SLC2A13: variants seen among roughly 807,000 people sequenced by gnomAD.
SLC2A13 encodes the protein solute carrier family 2 member 13.
A neutral mutation model predicts 64.4 loss-of-function variants in SLC2A13; 32 were observed. That is an observed-to-expected ratio of 0.50 (90% CI 0.37 to 0.67). The LOEUF (loss-of-function observed/expected upper bound fraction) is 0.67. Ranked by LOEUF, SLC2A13 falls within the 30% of genes least tolerant of loss-of-function variation. SLC2A13 has a pLI of 0.00. For synonymous variants in SLC2A13, 338 were observed against 327.1 expected (o/e 1.03, Z -0.36); for missense variants, 743 against 829.2 (o/e 0.90, Z 1.28).
At chr12:39,776,506 G>A (rs2135734077) in intron 7 of SLC2A13, among the ~76,000 whole-genome samples, 1 of 152,324 alleles carries the variant, frequency 6.6e-6, no homozygotes, top group Non-Finnish European at 1.5e-5. Context: ...TCTCTGAGAA[G>A]TCAGAATATG....
intron 4 of SLC2A13, among the ~76,000 whole-genome samples, chr12:39,921,330 T>C (rs906524957): frequency 3.9e-5 from 6 of 152,044 alleles, no homozygotes; most frequent in Admixed American, 1.3e-4. Context: ...AAGCAGTCAG[T>C]TCCCCTTAAT....
intron 4 of SLC2A13, among the ~76,000 whole-genome samples, chr12:39,893,262 A>G (rs987339657): frequency 6.6e-6 from 1 of 152,160 alleles, no homozygotes; most frequent in East Asian, 1.9e-4. Context: ...ATCTATGTCT[A>G]TTTTATAGAA....
chr12:39,803,422 T>G (rs11173650), intron 7 of SLC2A13, among the ~76,000 whole-genome samples: 1 of 152,048 alleles, frequency 6.6e-6, no homozygotes, highest in Non-Finnish European at 1.5e-5. Context: ...ACCATAAAAC[T>G]ATCACTTAGG....
At chr12:40,013,784 T>G (rs1947572855) in intron 3 of SLC2A13, among the ~76,000 whole-genome samples, 3 of 152,350 alleles carry the variant, frequency 2.0e-5, no homozygotes, top group Non-Finnish European at 4.4e-5. Flanking sequence ...GCACTGTATT[T>G]CCCTCATCCC....
intron 4 of SLC2A13, among the ~76,000 whole-genome samples, chr12:39,892,784 A>T (rs1353066657): frequency 1.3e-5 from 2 of 152,158 alleles, no homozygotes; most frequent in African/African-American, 4.8e-5. Context: ...GGTAAAAAAA[A>T]TTTCTCCTAG....
intron 3 of SLC2A13, among the ~76,000 whole-genome samples, chr12:40,023,068 G>T (rs891024785): frequency 2.0e-5 from 3 of 152,160 alleles, no homozygotes; most frequent in African/African-American, 7.2e-5. Flanking sequence ...TTGCACTGAT[G>T]CTGTCCTAAT....
At chr12:39,967,895 T>C (rs1591959715) in intron 3 of SLC2A13, among the ~76,000 whole-genome samples, 1 of 152,156 alleles carries the variant, frequency 6.6e-6, no homozygotes, top group Non-Finnish European at 1.5e-5. Context: ...GGTATCTACA[T>C]AACCTCAAAA....
At chr12:39,779,532 T>C (rs183283373) in intron 7 of SLC2A13, among the ~76,000 whole-genome samples, 41 of 152,324 alleles carry the variant, frequency 2.7e-4, no homozygotes, top group Admixed American at 1.2e-3. Context: ...ATTTTACACA[T>C]AGTCAATAGC....
chr12:39,878,131 G>A (rs1254338288), intron 4 of SLC2A13, among the ~76,000 whole-genome samples: 2 of 152,162 alleles, frequency 1.3e-5, no homozygotes, highest in Non-Finnish European at 2.9e-5. Flanking sequence ...GCCTACATAG[G>A]AGTAAACCAA....
chr12:39,859,295 G>A (rs368999444), intron 6 of SLC2A13, among the ~76,000 whole-genome samples: 13 of 25,390 alleles, frequency 5.1e-4, no homozygotes, highest in Middle Eastern at 0.028. Context: ...CAAAAAAAAA[G>A]AAAAAGAAAG....
At chr12:39,823,737 C>T (rs886335094) in intron 7 of SLC2A13, among the ~76,000 whole-genome samples, 2 of 152,162 alleles carry the variant, frequency 1.3e-5, no homozygotes, top group East Asian at 3.8e-4. Context: ...GAATGTGCCA[C>T]CTCACCTGGC....
At chr12:39,859,333 G>A (rs1024837030) in intron 6 of SLC2A13, among the ~76,000 whole-genome samples, 103 of 61,938 alleles carry the variant, frequency 1.7e-3, no homozygotes, top group Non-Finnish European at 1.8e-3. Context: ...TTTTTTTTCT[G>A]AAAAAAAAAA....
At chr12:39,978,278 TAG>T (rs1315622586) in intron 3 of SLC2A13, among the ~76,000 whole-genome samples, 3 of 152,322 alleles carry the variant, frequency 2.0e-5, no homozygotes, top group East Asian at 1.9e-4. Context: ...ACTTGTACTT[TAG>T]AGTCACACTA....
chr12:39,830,015 G>A (rs780685293), intron 7 of SLC2A13, 88 bp downstream of exon 7: 30 of 1,527,718 alleles, frequency 2.0e-5, no homozygotes, highest in Non-Finnish European at 2.7e-5. Context: ...TAAAAGAACT[G>A]CTATAAGTGC....
At chr12:39,825,512 G>A (rs1015862325) in intron 7 of SLC2A13, among the ~76,000 whole-genome samples, 7 of 152,064 alleles carry the variant, frequency 4.6e-5, no homozygotes, top group African/African-American at 1.7e-4. Flanking sequence ...TGTAAGTAGG[G>A]TATAGAAATC....
At chr12:40,075,062 AAAAAC>A (rs1176590924) in intron 1 of SLC2A13, among the ~76,000 whole-genome samples, 1 of 152,178 alleles carries the variant, frequency 6.6e-6, no homozygotes, top group African/African-American at 2.4e-5. Context: ...GACCTCATTT[AAAAAC>A]AAAACAAAAC....
intron 4 of SLC2A13, among the ~76,000 whole-genome samples, chr12:39,925,207 T>A (rs991707975): frequency 1.3e-5 from 2 of 151,842 alleles, no homozygotes; most frequent in African/African-American, 4.8e-5. Context: ...AATTTTGTAC[T>A]TTTTTTCTGT....
At chr12:40,054,990 A>C (rs983958772) in intron 1 of SLC2A13, among the ~76,000 whole-genome samples, 15 of 152,204 alleles carry the variant, frequency 9.9e-5, no homozygotes, top group African/African-American at 3.6e-4. Context: ...CTAAAGAAAT[A>C]CTTTTAATAA....
intron 4 of SLC2A13, among the ~76,000 whole-genome samples, chr12:39,946,085 T>A (rs1387564821): frequency 6.6e-6 from 1 of 152,216 alleles, no homozygotes; most frequent in African/African-American, 2.4e-5. Context: ...TTCCTATGGA[T>A]GTGGCTTCCT....
Sources: allele counts gnomAD v4.1 joint callset (sites outside exome capture counted in the v4.1 genomes callset), GRCh38; gene constraint gnomAD v4.1.1; transcripts MANE v1.5; gene names NCBI Gene and HGNC (gene_info 2026-07-23, HGNC 2026-07-21).